Variants in AP4E1 observed in about 807,000 individuals in gnomAD.
AP4E1 encodes the protein adaptor related protein complex 4 subunit epsilon 1, also known as AP-4 complex subunit epsilon-1.
AP4E1 carries 56 observed loss-of-function variants against 128.2 expected under a neutral mutation model. That is an observed-to-expected ratio of 0.44 (90% CI 0.35 to 0.55). AP4E1 has a LOEUF of 0.55. AP4E1 is among the 20% of genes least tolerant of loss of function. AP4E1 has a pLI of 0.00. For missense variants in AP4E1, 1,324 were observed against 1,307.7 expected, an observed-to-expected ratio of 1.01 and a Z score of -0.19; for synonymous variants, 484 against 473.1, an observed-to-expected ratio of 1.02 and a Z score of -0.30.
intron 4 of AP4E1, 56 bp from the exon 5 acceptor site, chr15:50,925,042 C>G: frequency 2.5e-6 from 4 of 1,605,656 alleles, no homozygotes; most frequent in Non-Finnish European, 3.4e-6. Flanking sequence ...GTTGAATTTG[C>G]CATTCCTAGT....
intron 10 of AP4E1, among the ~76,000 whole-genome samples, chr15:50,943,667 C>G (rs769266782): frequency 4.6e-5 from 7 of 152,002 alleles, no homozygotes; most frequent in Non-Finnish European, 8.8e-5. Context: ...TTTGGTAGTC[C>G]CCACTTATTT....
rs1012726046 is a variant in AP4E1, at chr15:51,002,869, AG to A, written c.*209del. On this transcript the variant is annotated 3_prime_UTR_variant, in exon 21 of 21. Transcript: ENST00000261842. ...TAACTCAGGATTGTACAGTATGTTT[AG>A]GTCCCTCAAAAAGTGACCTAAGCTA... The A allele has an allele frequency of 5.0e-6, 3 of 601,394 alleles. No homozygotes were observed. Among genetic ancestry groups the A allele is most frequent in the Middle Eastern group, 4.7e-4 (1 of 2,142 alleles). 37.3% of individuals were successfully genotyped at this position (601,394 alleles called of 1,614,324 possible). A position where few individuals can be genotyped will look rare whatever the true frequency, so the allele number is the denominator to read the frequency against.
rs1356173034 is a variant in AP4E1, at chr15:50,948,014, A to T, written c.1177-6A>T. On this transcript the variant is annotated splice_polypyrimidine_tract_variant and splice_region_variant and intron_variant, in intron 10 of 20. Coordinates refer to ENST00000261842, the MANE Select transcript of AP4E1 (RefSeq NM_007347.5). ...ATATTGTTTTTAATTTTTCTTCTTTAAATAGACTCTGGAACTTCTTTACAG... is the reference window on the plus strand; with the variant it reads ...ATATTGTTTTTAATTTTTCTTCTTTTAATAGACTCTGGAACTTCTTTACAG... The T allele has an allele frequency of 2.5e-6, 4 of 1,585,020 alleles. No individual in the cohort carries two copies. The highest frequency in any genetic ancestry group is 3.5e-6 in the Non-Finnish European group (4 of 1,155,132).
chr15:50,984,202 GT>G, intron 16 of AP4E1, 57 bp downstream of exon 16: 1 of 1,594,332 alleles, frequency 6.3e-7, no homozygotes, highest in East Asian at 2.3e-5. Context: ...GTCTTTTAGC[GT>G]TCCATTTGCC....
intron 15 of AP4E1, among the ~76,000 whole-genome samples, chr15:50,981,999 C>T (rs753023510): frequency 6.8e-6 from 1 of 146,660 alleles, no homozygotes; most frequent in Non-Finnish European, 1.5e-5. Flanking sequence ...GCAGGAGAAT[C>T]GCTTGAACAC....
At chr15:50,922,540 G>A (rs768192370) in intron 3 of AP4E1, among the ~76,000 whole-genome samples, 3 of 152,178 alleles carry the variant, frequency 2.0e-5, no homozygotes, top group Middle Eastern at 3.2e-3. Context: ...GACACAGACA[G>A]CATGGATGCT....
intron 14 of AP4E1, among the ~76,000 whole-genome samples, chr15:50,960,236 G>A (rs2064292766): frequency 6.6e-6 from 1 of 152,048 alleles, no homozygotes; most frequent in Non-Finnish European, 1.5e-5. Context: ...AATCAACAAA[G>A]AAGCATCAAA....
chr15:50,937,564 T>C (rs1209786012), intron 8 of AP4E1, among the ~76,000 whole-genome samples: 1 of 152,150 alleles, frequency 6.6e-6, no homozygotes, highest in Non-Finnish European at 1.5e-5. Flanking sequence ...TTAATACCAG[T>C]GTAAGGCAGA....
chr15:50,979,565 CCCAGGCTAGAG>C (rs1257897695), intron 15 of AP4E1, among the ~76,000 whole-genome samples: 1 of 152,134 alleles, frequency 6.6e-6, no homozygotes, highest in Non-Finnish European at 1.5e-5. Context: ...CACTCTGTCA[CCCAGGCTAGAG>C]TGCAGTGGCA....
chr15:51,002,128 G>A (rs376759788), intron 20 of AP4E1, among the ~76,000 whole-genome samples: 3 of 152,112 alleles, frequency 2.0e-5, no homozygotes, highest in East Asian at 3.9e-4. Context: ...TGATCTGCCC[G>A]CCTCAGCCTC....
intron 3 of AP4E1, 179 bp downstream of exon 3, chr15:50,915,750 G>C: frequency 1.4e-6 from 1 of 713,798 alleles, no homozygotes; most frequent in South Asian, 1.9e-5. Flanking sequence ...CAGTTTTCCT[G>C]ATGCATAGCA....
chr15:50,970,294 G>A (rs568323561), intron 15 of AP4E1, among the ~76,000 whole-genome samples: 1 of 152,300 alleles, frequency 6.6e-6, no homozygotes, highest in South Asian at 2.1e-4. Context: ...TGGCTGAATA[G>A]TATTTCACTT....
At chr15:50,937,435 T>C (rs992327555) in intron 8 of AP4E1, among the ~76,000 whole-genome samples, 12 of 152,244 alleles carry the variant, frequency 7.9e-5, no homozygotes, top group African/African-American at 2.9e-4. Context: ...ATCTATTGAA[T>C]ATCTGCTATG....
intron 16 of AP4E1, among the ~76,000 whole-genome samples, chr15:50,991,690 T>C (rs1248216915): frequency 6.6e-6 from 1 of 152,182 alleles, no homozygotes; most frequent in Non-Finnish European, 1.5e-5. Context: ...AACATTCAGA[T>C]TTTCCTGTAG....
At chr15:50,951,383 C>T (rs1442201544) in intron 13 of AP4E1, among the ~76,000 whole-genome samples, 1 of 152,186 alleles carries the variant, frequency 6.6e-6, no homozygotes, top group Non-Finnish European at 1.5e-5. Context: ...TGTGGCCTCC[C>T]AACAGGGCCG....
Position 50,908,934 on chromosome 15 carries a change from T to A in AP4E1, c.150+6T>A. ...CAGCCCTCACCTCCAAGCACGTAGG[T>A]GCCCGCCGGCCCGGGAGCTCAGGGA... On this transcript the variant is annotated splice_donor_region_variant and intron_variant, in intron 1 of 20. Transcript: ENST00000261842. The A allele has an allele frequency of 6.2e-7, 1 of 1,610,450 alleles. No individual in the cohort carries two copies. The highest frequency in any genetic ancestry group is 8.5e-7 in the Non-Finnish European group (1 of 1,179,378).
At chr15:50,935,715 C>G (rs1008202319) in intron 8 of AP4E1, among the ~76,000 whole-genome samples, 1 of 152,056 alleles carries the variant, frequency 6.6e-6, no homozygotes, top group Non-Finnish European at 1.5e-5. Context: ...AACCTGCGGA[C>G]CTTTAAGAAC....
At chr15:50,934,983 A>G (rs867373021) in intron 8 of AP4E1, among the ~76,000 whole-genome samples, 8 of 152,236 alleles carry the variant, frequency 5.3e-5, no homozygotes, top group Middle Eastern at 3.4e-3. Flanking sequence ...TTGACTGTGA[A>G]GATAACTCCA....
chr15:50,952,464 C>G (rs1041838947), intron 13 of AP4E1, among the ~76,000 whole-genome samples: 2 of 149,810 alleles, frequency 1.3e-5, no homozygotes, highest in Non-Finnish European at 3.0e-5. Flanking sequence ...GAACCAAGAT[C>G]ACGCCACTGC....
Sources: allele counts gnomAD v4.1 joint callset (sites outside exome capture counted in the v4.1 genomes callset), GRCh38; gene constraint gnomAD v4.1.1; transcripts MANE v1.5; gene names NCBI Gene and HGNC (gene_info 2026-07-23, HGNC 2026-07-21).